CD200R1: variants seen among roughly 807,000 people sequenced by gnomAD.
CD200R1 encodes the protein CD200 receptor 1.
A neutral mutation model predicts 38.1 loss-of-function variants in CD200R1; 30 were observed. That is an observed-to-expected ratio of 0.79 (90% confidence interval 0.59 to 1.07). The LOEUF is 1.07. Ranked by LOEUF, CD200R1 falls within the 50% of genes least tolerant of loss-of-function variation. CD200R1 has a pLI of 0.00. For missense variants in CD200R1, 372 were observed against 415.4 expected, an observed-to-expected ratio of 0.90 and a Z score of 0.91; for synonymous variants, 128 against 152.1, an observed-to-expected ratio of 0.84 and a Z score of 1.16.
rs1940337269 is a variant in CD200R1, at chr3:112,928,714, G to A, written c.769+102C>T. On this transcript the variant is annotated intron_variant, in intron 5 of 7. Transcript: ENST00000308611. ...GGGAAGAGATAAAAATGAAGAGTGG[G>A]GAGAGCATCCTCGAACAAAATATAT... The A allele has an allele frequency of 3.5e-6, 3 of 849,732 alleles. No individual in the cohort carries two copies. In the East Asian group the frequency reaches 8.0e-5, roughly 23 times the overall value. 52.6% of individuals were successfully genotyped at this position (849,732 alleles called of 1,614,324 possible).
At chr3:112,960,276 T>G (rs1262444256) in intron 1 of CD200R1, among the ~76,000 whole-genome samples, 2 of 152,108 alleles carry the variant, frequency 1.3e-5, no homozygotes, top group African/African-American at 4.8e-5. Context: ...TGTAACAATA[T>G]GAAATGCAAC....
chr3:112,973,944 C>A (rs910994001), intron 1 of CD200R1, among the ~76,000 whole-genome samples: 1 of 152,104 alleles, frequency 6.6e-6, no homozygotes, highest in Non-Finnish European at 1.5e-5. Context: ...TTCTCTAACT[C>A]GTAGTGTCTC....
At chr3:112,963,348 A>C (rs1333710844) in intron 1 of CD200R1, among the ~76,000 whole-genome samples, 1 of 152,236 alleles carries the variant, frequency 6.6e-6, no homozygotes, top group Non-Finnish European at 1.5e-5. Context: ...AGAAAGGAAA[A>C]TGTGGGAAAG....
chr3:112,943,950 C>T (rs1327432466), intron 2 of CD200R1, among the ~76,000 whole-genome samples: 1 of 151,708 alleles, frequency 6.6e-6, no homozygotes, highest in African/African-American at 2.4e-5. Flanking sequence ...AAAGGAGAAA[C>T]AGGCAAATTG....
At chr3:112,945,811 C>T (rs1336983329) in intron 2 of CD200R1, among the ~76,000 whole-genome samples, 4 of 152,082 alleles carry the variant, frequency 2.6e-5, no homozygotes, top group Non-Finnish European at 5.9e-5. Flanking sequence ...GGGCGGATCA[C>T]GAGGTCAGGA....
rs2107299476 is a variant in CD200R1, at chr3:112,925,066, A to G, written c.878+19T>C. On this transcript the variant is annotated intron_variant, in intron 6 of 7. Transcript: ENST00000308611. ...GCCTAATAAAGCTGAAGAAGAAAAA[A>G]ACATTCATTAGTCAATACCTGCAGC... The G allele has an allele frequency of 7.0e-7, 1 of 1,420,760 alleles. No individual in the cohort carries two copies. The highest frequency in any genetic ancestry group is 9.9e-7 in the Non-Finnish European group (1 of 1,006,146). 88.0% of individuals were successfully genotyped at this position (1,420,760 alleles called of 1,614,324 possible).
chr3:112,974,750 C>A (rs565369755), intron 1 of CD200R1, 41 bp downstream of exon 1: 3 of 1,283,170 alleles, frequency 2.3e-6, no homozygotes, highest in Non-Finnish European at 3.4e-6. Context: ...AGAGCTGAGA[C>A]CAGGTTTCTC....
chr3:112,933,259 C>T (rs1940499099), intron 2 of CD200R1, among the ~76,000 whole-genome samples: 1 of 152,176 alleles, frequency 6.6e-6, no homozygotes. Flanking sequence ...GATAGCCAAA[C>T]AACCATGTGC....
intron 2 of CD200R1, among the ~76,000 whole-genome samples, chr3:112,934,319 A>G (rs1384762257): frequency 6.6e-6 from 1 of 152,158 alleles, no homozygotes; most frequent in Non-Finnish European, 1.5e-5. Flanking sequence ...GCCAAGAGAA[A>G]ATGGAGTGAT....
At chr3:112,964,882 G>C (rs566699108) in intron 1 of CD200R1, among the ~76,000 whole-genome samples, 2 of 152,072 alleles carry the variant, frequency 1.3e-5, no homozygotes, top group South Asian at 4.1e-4. Flanking sequence ...GAACCATGGG[G>C]GCAGGTCTTT....
intron 1 of CD200R1, among the ~76,000 whole-genome samples, chr3:112,972,351 G>A (rs959395029): frequency 6.6e-6 from 1 of 152,116 alleles, no homozygotes; most frequent in Non-Finnish European, 1.5e-5. Context: ...TCCTCTTCTT[G>A]TTACTGCCTG....
intron 1 of CD200R1, among the ~76,000 whole-genome samples, chr3:112,956,903 TG>T (rs1180945233): frequency 2.0e-5 from 3 of 152,210 alleles, no homozygotes; most frequent in African/African-American, 7.2e-5. Flanking sequence ...CAGCTGGCAG[TG>T]ATGCAAGGTG....
intron 1 of CD200R1, among the ~76,000 whole-genome samples, chr3:112,957,380 A>G (rs1941124959): frequency 6.6e-6 from 1 of 152,188 alleles, no homozygotes; most frequent in Non-Finnish European, 1.5e-5. Flanking sequence ...TAAAAGTGTT[A>G]AGGCAATTTT....
chr3:112,949,151 G>C (rs1940924473), intron 1 of CD200R1, among the ~76,000 whole-genome samples: 2 of 152,344 alleles, frequency 1.3e-5, no homozygotes, highest in South Asian at 4.1e-4. Flanking sequence ...GTTATAAATA[G>C]TTTAGTATTG....
intron 2 of CD200R1, among the ~76,000 whole-genome samples, chr3:112,934,204 A>T (rs1408494602): frequency 6.6e-6 from 1 of 152,124 alleles, no homozygotes; most frequent in Non-Finnish European, 1.5e-5. Context: ...TCAAAAGGCA[A>T]AGACAAAGGA....
At chr3:112,973,626 T>C (rs1933363334) in intron 1 of CD200R1, among the ~76,000 whole-genome samples, 1 of 152,190 alleles carries the variant, frequency 6.6e-6, no homozygotes, top group East Asian at 1.9e-4. Context: ...AGTCAAAGAG[T>C]GTAGTTATTT....
At chr3:112,930,443 C>T (rs547324137) in intron 3 of CD200R1, among the ~76,000 whole-genome samples, 2 of 152,118 alleles carry the variant, frequency 1.3e-5, no homozygotes, top group South Asian at 4.1e-4. Context: ...ACACTAAAGG[C>T]GTAAGTTGAT....
intron 1 of CD200R1, among the ~76,000 whole-genome samples, chr3:112,965,802 C>A (rs531004796): frequency 6.6e-6 from 1 of 151,856 alleles, no homozygotes; most frequent in African/African-American, 2.4e-5. Context: ...GGGAACACAG[C>A]ATGTTTGTAG....
In CD200R1 at chr3:112,960,369, G is replaced by C. The variant is rs16860283; in HGVS notation, c.68-12445C>G. Among the ~76,000 whole-genome samples the C allele has an allele frequency of 5.6e-3, 855 of 152,084 alleles. 8 individuals carry two copies. The highest frequency in any genetic ancestry group is 0.019 in the African/African-American group (802 of 41,542). ...GTTCTTCCTTCCAACAAGGAAATAA[G>C]TTGAAATCGTAAATATGAGATTTGT... is the stretch of plus-strand genomic sequence containing the variant. On this transcript the variant is annotated intron_variant, in intron 1 of 7. Coordinates refer to ENST00000308611, the MANE Select transcript of CD200R1 (RefSeq NM_138806.4).
Sources: gnomAD v4.1 joint callset for allele counts (sites outside exome capture counted in the v4.1 genomes callset) on GRCh38, gnomAD v4.1.1 for gene constraint, MANE v1.5 for transcripts, NCBI Gene and HGNC (gene_info 2026-07-23, HGNC 2026-07-21) for gene names.